ST18: variants seen among roughly 807,000 people sequenced by gnomAD.
The protein encoded by ST18 is ST18 C2H2C-type zinc finger transcription factor.
Under a neutral mutation model 110.0 loss-of-function variants are expected in ST18, and 50 were observed. The observed-to-expected ratio is 0.45, with a 90% CI of 0.36 to 0.58. ST18 has a LOEUF of 0.58. ST18 is among the 20% of genes least tolerant of loss of function. The probability of loss-of-function intolerance (pLI) is 0.00; values close to 1 mark genes in which losing one functional copy is unlikely to be tolerated. For missense variants in ST18, 1,306 were observed against 1,280.1 expected (o/e 1.02, Z -0.31); for synonymous variants, 461 against 452.4 (o/e 1.02, Z -0.24).
chr8:52,220,968 T>C (rs2086420735), intron 4 of ST18, 120 bp from the exon 5 acceptor site: 1 of 152,246 alleles, frequency 6.6e-6, no homozygotes. Flanking sequence ...ATAGTTTGAT[T>C]GTACTACAGT....
chr8:52,248,589 C>T (rs1486634752), intron 2 of ST18: 2 of 152,192 alleles, frequency 1.3e-5, no homozygotes, highest in African/African-American at 4.8e-5. Flanking sequence ...CTGGCAACTT[C>T]CTGTTGCCAT....
chr8:52,307,464 A>G (rs1230556521), intron 2 of ST18, among the ~76,000 whole-genome samples: 2 of 152,234 alleles, frequency 1.3e-5, no homozygotes, highest in South Asian at 4.1e-4. Context: ...TCATATACAC[A>G]TTATATATCA....
intron 17 of ST18, among the ~76,000 whole-genome samples, chr8:52,142,590 A>C (rs532770643): frequency 1.3e-5 from 2 of 152,326 alleles, no homozygotes; most frequent in East Asian, 3.9e-4. Flanking sequence ...ATGAAAACCA[A>C]TAACTCCCTT....
intron 2 of ST18, among the ~76,000 whole-genome samples, chr8:52,250,588 C>T (rs1325383582): frequency 6.7e-6 from 1 of 149,100 alleles, no homozygotes; most frequent in Non-Finnish European, 1.5e-5. Context: ...ATAGTAAATC[C>T]AACAAACCCA....
intron 2 of ST18, among the ~76,000 whole-genome samples, chr8:52,286,201 G>A (rs1411516039): frequency 6.6e-6 from 1 of 152,200 alleles, no homozygotes; most frequent in African/African-American, 2.4e-5. Context: ...ATGAAGTTTA[G>A]TTTTGGTCAG....
chr8:52,318,471 A>G (rs1292170947), intron 2 of ST18, among the ~76,000 whole-genome samples: 1 of 152,232 alleles, frequency 6.6e-6, no homozygotes, highest in African/African-American at 2.4e-5. Context: ...TGGTTCAACC[A>G]TTGCGGAAGA....
intron 2 of ST18, among the ~76,000 whole-genome samples, chr8:52,373,630 G>A (rs568232066): frequency 3.2e-4 from 49 of 152,054 alleles, no homozygotes; most frequent in African/African-American, 1.1e-3. Flanking sequence ...CTAGGCCACT[G>A]GACAACTTGC....
chr8:52,136,764 G>A (rs2052561601), intron 18 of ST18, 106 bp from the exon 19 acceptor site: 1 of 967,902 alleles, frequency 1.0e-6, no homozygotes. Flanking sequence ...GGTGACTGGG[G>A]ATTGGGAAAA....
At chr8:52,343,239 C>T (rs1214528863) in intron 2 of ST18, among the ~76,000 whole-genome samples, 1 of 152,046 alleles carries the variant, frequency 6.6e-6, no homozygotes, top group East Asian at 1.9e-4. Context: ...TAAACCAGGC[C>T]GTTACTAACC....
At chr8:52,177,925 A>G (rs975101778) in intron 9 of ST18, among the ~76,000 whole-genome samples, 1 of 152,232 alleles carries the variant, frequency 6.6e-6, no homozygotes, top group African/African-American at 2.4e-5. Flanking sequence ...TAAGAACTCA[A>G]AAACAATGGT....
chr8:52,364,293 A>T (rs1826947469), intron 2 of ST18, among the ~76,000 whole-genome samples: 2 of 152,154 alleles, frequency 1.3e-5, no homozygotes, highest in South Asian at 4.1e-4. Context: ...ATACATTGAA[A>T]TGAGGAAATC....
intron 2 of ST18, among the ~76,000 whole-genome samples, chr8:52,297,645 CATAAATT>C (rs1276865351): frequency 2.6e-5 from 4 of 151,636 alleles, no homozygotes; most frequent in African/African-American, 9.8e-5. Context: ...ATCAAAACAT[CATAAATT>C]ATAAAAGCTA....
At chr8:52,199,542 C>T (rs530044554) in intron 8 of ST18, 6 of 152,160 alleles carry the variant, frequency 3.9e-5, no homozygotes, top group African/African-American at 1.4e-4. Context: ...ATAAACAGAA[C>T]ATCAAACCTT....
At chr8:52,177,495 A>G (rs1175825962) in intron 9 of ST18, among the ~76,000 whole-genome samples, 4 of 152,216 alleles carry the variant, frequency 2.6e-5, no homozygotes, top group East Asian at 1.9e-4. Flanking sequence ...GAAAAGCCCT[A>G]TGCTGACTTG....
chr8:52,279,073 C>T (rs1465279813), intron 2 of ST18, among the ~76,000 whole-genome samples: 2 of 151,916 alleles, frequency 1.3e-5, no homozygotes, highest in Non-Finnish European at 2.9e-5. Flanking sequence ...GGACAGTAAA[C>T]AGAAGAAAAA....
At chr8:52,364,252 A>G (rs1826931712) in intron 2 of ST18, among the ~76,000 whole-genome samples, 1 of 151,890 alleles carries the variant, frequency 6.6e-6, no homozygotes, top group Admixed American at 6.6e-5. Flanking sequence ...CTTTTTTTTC[A>G]TCCTCTAGTA....
At chr8:52,169,203 G>A (rs767430663) in intron 10 of ST18, among the ~76,000 whole-genome samples, 22 of 152,144 alleles carry the variant, frequency 1.4e-4, no homozygotes, top group Non-Finnish European at 2.6e-4. Flanking sequence ...CTGTTTGCAT[G>A]ATAAGAAGCC....
At chr8:52,382,930 C>T (rs1835109582) in intron 2 of ST18, among the ~76,000 whole-genome samples, 1 of 152,036 alleles carries the variant, frequency 6.6e-6, no homozygotes. Flanking sequence ...AGAAGAGGCT[C>T]AGAGCAAATG....
chr8:52,396,778 C>T (rs1419510880), intron 2 of ST18, among the ~76,000 whole-genome samples: 13 of 152,252 alleles, frequency 8.5e-5, no homozygotes, highest in South Asian at 2.1e-4. Flanking sequence ...GTCCCTCCCC[C>T]ATCACGTGGA....
Sources: gnomAD v4.1 joint callset for allele counts (sites outside exome capture counted in the v4.1 genomes callset) on GRCh38, gnomAD v4.1.1 for gene constraint, MANE v1.5 for transcripts, NCBI Gene and HGNC (gene_info 2026-07-23, HGNC 2026-07-21) for gene names.